Variants in MEGF10 observed in about 807,000 individuals in gnomAD.
MEGF10 encodes multiple EGF like domains 10.
Under a neutral mutation model 147.5 loss-of-function variants are expected in MEGF10, and 86 were observed. That is an observed-to-expected ratio of 0.58 (90% confidence interval 0.49 to 0.70). The LOEUF (loss-of-function observed/expected upper bound fraction) is 0.70. MEGF10 is among the 30% of genes least tolerant of loss of function. MEGF10 has a pLI of 0.00. For missense variants in MEGF10, 1,329 were observed against 1,487.3 expected (o/e 0.89, Z 1.75); for synonymous variants, 478 against 525.5 (o/e 0.91, Z 1.24).
chr5:127,435,276 T>C (rs1765515891), intron 15 of MEGF10, 85 bp from the exon 16 acceptor site: 1 of 1,536,784 alleles, frequency 6.5e-7, no homozygotes, highest in Non-Finnish European at 8.8e-7. Context: ...GCCTGTGACC[T>C]TTAAAGTTAT....
chr5:127,394,546 C>T (rs1333794591), intron 5 of MEGF10, among the ~76,000 whole-genome samples: 1 of 152,062 alleles, frequency 6.6e-6, no homozygotes, highest in African/African-American at 2.4e-5. Flanking sequence ...GGAGTCCCTT[C>T]AAAACAGGAT....
intron 13 of MEGF10, among the ~76,000 whole-genome samples, chr5:127,428,515 C>G (rs1765283760): frequency 6.6e-6 from 1 of 152,196 alleles, no homozygotes; most frequent in African/African-American, 2.4e-5. Context: ...CTACACTACA[C>G]TACACTACAC....
At chr5:127,291,866 C>T (rs1032777619) in intron 1 of MEGF10, among the ~76,000 whole-genome samples, 1 of 152,156 alleles carries the variant, frequency 6.6e-6, no homozygotes, top group African/African-American at 2.4e-5. Flanking sequence ...AATATCCTCA[C>T]GCAAGGACCC....
chr5:127,284,549 G>C, the MEGF10 span, among the ~76,000 whole-genome samples: 8 of 152,086 alleles, frequency 5.3e-5, no homozygotes, highest in Non-Finnish European at 1.2e-4. Context: ...GTCAGACCCA[G>C]GGTCAGTCCT....
chr5:127,268,845 G>A, the MEGF10 span, among the ~76,000 whole-genome samples: 1 of 152,228 alleles, frequency 6.6e-6, no homozygotes, highest in African/African-American at 2.4e-5. Context: ...CCCAAGTGGG[G>A]GCAGACTGAC....
chr5:127,399,506 G>A (rs1225285462), intron 7 of MEGF10, among the ~76,000 whole-genome samples: 1 of 152,144 alleles, frequency 6.6e-6, no homozygotes, highest in East Asian at 1.9e-4. Flanking sequence ...AGATGAGTGA[G>A]CAACCAATAT....
rs754183641 is a variant in MEGF10, at chr5:127,434,720, G to A, written c.1874G>A (p.Ser625Asn). 2 of 1,613,434 alleles carry A rather than the reference G, an allele frequency of 1.2e-6. No homozygotes were observed. The highest frequency in any genetic ancestry group is 1.3e-5 in the African/African-American group (1 of 74,894). Reference sequence around the variant, plus strand: ...CCTGGTTTTTATGGGCATCGCTGCAGCCAGACATGCCCACAGTGCGTTCAC... The same window carrying A: ...CCTGGTTTTTATGGGCATCGCTGCAACCAGACATGCCCACAGTGCGTTCAC... ...CSPGFYGHRC[S>N]QTCPQCVHSS... Residue 625 changes from serine to asparagine, a missense_variant, in exon 15 of 25, where the codon AGC (serine) becomes AAC (asparagine). Physicochemically the swap from Ser to Asn is conservative, Grantham distance 46. This residue lies in a region of MEGF10 where 980 missense variants were observed against 1,085.9 expected (regional missense o/e 0.90). Coordinates refer to ENST00000503335, the MANE Select transcript of MEGF10 (RefSeq NM_001256545.2).
chr5:127,394,289 A>T (rs574597160), intron 5 of MEGF10, among the ~76,000 whole-genome samples: 67 of 152,194 alleles, frequency 4.4e-4, no homozygotes, highest in Non-Finnish European at 9.0e-4. Flanking sequence ...ACTTTTTGAA[A>T]GTATGGAAAA....
chr5:127,428,986 G>C (rs1765303185), intron 13 of MEGF10, among the ~76,000 whole-genome samples: 1 of 152,198 alleles, frequency 6.6e-6, no homozygotes, highest in Admixed American at 6.5e-5. Flanking sequence ...ACTTGTGGAG[G>C]CTATCAAAGA....
chr5:127,247,320 GA>G, the MEGF10 span, among the ~76,000 whole-genome samples: 2,698 of 8,636 alleles, frequency 0.31, 312 homozygotes, highest in South Asian at 0.49. Flanking sequence ...GAAAGAGAGA[GA>G]AGAAGAAGAA....
At chr5:127,321,658 C>T (rs1760790244) in intron 1 of MEGF10, among the ~76,000 whole-genome samples, 1 of 152,088 alleles carries the variant, frequency 6.6e-6, no homozygotes, top group Non-Finnish European at 1.5e-5. Context: ...ATTTGAAGGT[C>T]AGCTTAATGA....
In MEGF10 at chr5:127,433,578, C is replaced by T. The variant is rs1765461804; in HGVS notation, c.1840+69C>T. 3 of 1,516,166 alleles carry T rather than the reference C, an allele frequency of 2.0e-6. No individual in the cohort carries two copies. The East Asian group carries it at 6.8e-5, about 35-fold the overall frequency. The allele number at this position is 1,516,166 out of a possible 1,614,324, so 93.9% of individuals were successfully genotyped here. ...GGCACCATGTATCGAATAATGATCT[C>T]TGTCCCACCTCTCAGTTTATAGTGA... On this transcript the variant is annotated intron_variant, in intron 14 of 24. Coordinates refer to ENST00000503335, the MANE Select transcript of MEGF10 (RefSeq NM_001256545.2).
chr5:127,440,621 G>A (rs1263834381), intron 17 of MEGF10, 118 bp from the exon 18 acceptor site: 5 of 1,045,452 alleles, frequency 4.8e-6, no homozygotes, highest in Non-Finnish European at 7.1e-6. Flanking sequence ...ACTATTCACT[G>A]TATTCTCTGA....
At chr5:127,376,818 G>A (rs947202037) in intron 5 of MEGF10, among the ~76,000 whole-genome samples, 3 of 152,280 alleles carry the variant, frequency 2.0e-5, no homozygotes, top group Admixed American at 2.0e-4. Flanking sequence ...ACATTTAGGT[G>A]ACTTGCCTGA....
chr5:127,391,093 C>T (rs1442833662), intron 5 of MEGF10, among the ~76,000 whole-genome samples: 24 of 27,640 alleles, frequency 8.7e-4, no homozygotes, highest in African/African-American at 1.6e-3. Context: ...CACATGCGCG[C>T]GCGCGCGCGC....
chr5:127,309,238 C>A, intron 1 of MEGF10, among the ~76,000 whole-genome samples: 1 of 152,356 alleles, frequency 6.6e-6, no homozygotes, highest in East Asian at 1.9e-4. Context: ...CTGTTACTTA[C>A]GCTTTAATAC....
intron 4 of MEGF10, among the ~76,000 whole-genome samples, chr5:127,362,830 TG>T (rs1176689337): frequency 6.6e-6 from 1 of 152,220 alleles, no homozygotes. Context: ...CTTCTTGTCC[TG>T]TTTTTTGTTC....
the MEGF10 span, among the ~76,000 whole-genome samples, chr5:127,235,089 A>G: frequency 9.3e-3 from 1,406 of 151,838 alleles, 19 homozygotes; most frequent in African/African-American, 0.03. Context: ...CAGGCAATCC[A>G]CCCGCCTTGG....
At chr5:127,316,176 C>T (rs1423889751) in intron 1 of MEGF10, among the ~76,000 whole-genome samples, 1 of 152,198 alleles carries the variant, frequency 6.6e-6, no homozygotes, top group Non-Finnish European at 1.5e-5. Flanking sequence ...TTATTACTTC[C>T]TGCTGGCTTC....
Sources: gnomAD v4.1 joint callset for allele counts (sites outside exome capture counted in the v4.1 genomes callset) on GRCh38, gnomAD v4.1.1 for gene constraint, gnomAD v4.1.1 regional missense constraint, MANE v1.5 for transcripts, NCBI Gene and HGNC (gene_info 2026-07-23, HGNC 2026-07-21) for gene names.